TMPRSS15: variants seen among roughly 807,000 people sequenced by gnomAD.
TMPRSS15 encodes enteropeptidase.
TMPRSS15 carries 128 observed loss-of-function variants against 125.3 expected under a neutral mutation model. The ratio of observed to expected loss-of-function variants is 1.02; its 90% confidence interval spans 0.89 to 1.18. TMPRSS15 has a LOEUF of 1.18. Ranked by LOEUF, TMPRSS15 falls within the 50% of genes most tolerant of loss-of-function variation. The pLI, the probability that TMPRSS15 is intolerant of heterozygous loss-of-function variation, is 0.00. For synonymous variants in TMPRSS15, 446 were observed against 423.2 expected (o/e 1.05, Z -0.66); for missense variants, 1,283 against 1,212.7 (o/e 1.06, Z -0.86).
intron 21 of TMPRSS15, among the ~76,000 whole-genome samples, chr21:18,284,016 C>T (rs903744073): frequency 3.9e-5 from 6 of 152,184 alleles, no homozygotes; most frequent in Non-Finnish European, 7.3e-5. Context: ...ATACAATTTA[C>T]AACAATATTA....
chr21:18,452,687 T>C (rs1008044236), intron 1 of TMPRSS15, among the ~76,000 whole-genome samples: 1 of 152,162 alleles, frequency 6.6e-6, no homozygotes, highest in African/African-American at 2.4e-5. Flanking sequence ...TATTTTGAAC[T>C]GGAATGTTAC....
At position 18,457,733 on chromosome 21, in the gene TMPRSS15, G is replaced by A. The variant is rs117570512; in HGVS notation, c.10+28066C>T. On this transcript the variant is annotated intron_variant, in intron 1 of 7. Transcript: ENST00000422787. ...TTTCAGCAAGAAGGCAACAACCTAAGCCTTCTACTTCTAGGGGATATTTGT... is the reference window on the plus strand; with the variant it reads ...TTTCAGCAAGAAGGCAACAACCTAAACCTTCTACTTCTAGGGGATATTTGT... Among the ~76,000 whole-genome samples the A allele has an allele frequency of 4.7e-3, 717 of 152,246 alleles. 37 individuals are homozygous for A. In the East Asian group the frequency reaches 0.11, roughly 23 times the overall value.
chr21:18,278,018 T>C (rs754132560), intron 23 of TMPRSS15, among the ~76,000 whole-genome samples: 4 of 152,170 alleles, frequency 2.6e-5, no homozygotes, highest in Non-Finnish European at 4.4e-5. Context: ...ATGCAGTTGA[T>C]GCTGGGGGTG....
At chr21:18,273,355 T>C (rs1487220236) in intron 24 of TMPRSS15, among the ~76,000 whole-genome samples, 1 of 152,226 alleles carries the variant, frequency 6.6e-6, no homozygotes, top group Non-Finnish European at 1.5e-5. Context: ...GAATGCATTC[T>C]TATTTAATCA....
chr21:18,280,575 C>CAAAAAAAAAAAAAAAAAAAAAAA (rs1230513414), intron 22 of TMPRSS15, among the ~76,000 whole-genome samples: 11 of 48,340 alleles, frequency 2.3e-4, no homozygotes, highest in African/African-American at 8.5e-4. Context: ...GACTCCGTCT[C>CAAAAAAAAAAAAAAAAAAAAAAA]AAAAAAAAAA....
chr21:18,465,662 T>C (rs2122955692), intron 1 of TMPRSS15, among the ~76,000 whole-genome samples: 5 of 152,126 alleles, frequency 3.3e-5, no homozygotes, highest in African/African-American at 1.2e-4. Context: ...CCATTCACAA[T>C]TGTTACAAAG....
At chr21:18,337,830 A>C (rs983842218) in intron 13 of TMPRSS15, among the ~76,000 whole-genome samples, 4 of 152,212 alleles carry the variant, frequency 2.6e-5, no homozygotes, top group African/African-American at 9.6e-5. Context: ...GCTCTACTCA[A>C]ATAAGAATTT....
At chr21:18,394,450 AG>A (rs1222009015) in intron 3 of TMPRSS15, among the ~76,000 whole-genome samples, 1 of 152,166 alleles carries the variant, frequency 6.6e-6, no homozygotes, top group Non-Finnish European at 1.5e-5. Flanking sequence ...GAGGAGGTAA[AG>A]AAAAAGTAAA....
chr21:18,369,819 CATA>C (rs1438463688), intron 6 of TMPRSS15, among the ~76,000 whole-genome samples: 2 of 151,928 alleles, frequency 1.3e-5, no homozygotes, highest in African/African-American at 2.4e-5. Flanking sequence ...GTGGGCTCAC[CATA>C]ATCAATGAAT....
At chr21:18,482,131 T>G (rs890547648) in intron 1 of TMPRSS15, among the ~76,000 whole-genome samples, 8 of 151,352 alleles carry the variant, frequency 5.3e-5, no homozygotes, top group African/African-American at 1.9e-4. Context: ...ATTGTATTGC[T>G]TCATTTTTTT....
intron 4 of TMPRSS15, among the ~76,000 whole-genome samples, chr21:18,381,662 T>C (rs2075893933): frequency 6.6e-6 from 1 of 152,164 alleles, no homozygotes. Context: ...TGAATAAACA[T>C]TTAATTTTAA....
At chr21:18,373,019 G>A (rs1488532285) in intron 5 of TMPRSS15, among the ~76,000 whole-genome samples, 1 of 152,138 alleles carries the variant, frequency 6.6e-6, no homozygotes, top group African/African-American at 2.4e-5. Context: ...AGGCCAGTGT[G>A]GAAATTTGAA....
intron 13 of TMPRSS15, among the ~76,000 whole-genome samples, chr21:18,333,669 C>G (rs17002565): frequency 0.011 from 1,733 of 152,090 alleles, 29 homozygotes; most frequent in African/African-American, 0.038. Context: ...ATCAATGCCC[C>G]GATCTGGTAG....
In TMPRSS15 at chr21:18,364,395, G is replaced by A. The variant is rs542372550; in HGVS notation, c.773+745C>T. 1.7e-4 allele frequency among the ~76,000 whole-genome samples: 26 copies of A among 152,158 alleles called. 1 individual carries two copies. In the South Asian group the frequency reaches 3.5e-3, roughly 21 times the overall value. Reference sequence around the variant, plus strand: ...AAAGTTTTCATTGGAGACTTACATCGCATGTTAACATATTTAAGGCTATAA... The same window carrying A: ...AAAGTTTTCATTGGAGACTTACATCACATGTTAACATATTTAAGGCTATAA... On this transcript the variant is annotated intron_variant, in intron 7 of 24. Coordinates refer to ENST00000284885, the MANE Select transcript of TMPRSS15 (RefSeq NM_002772.3).
At chr21:18,432,627 C>A (rs73198325) in intron 1 of TMPRSS15, among the ~76,000 whole-genome samples, 1 of 152,032 alleles carries the variant, frequency 6.6e-6, no homozygotes. Flanking sequence ...TGCTTCCATA[C>A]GCTAAAGAAA....
intron 3 of TMPRSS15, among the ~76,000 whole-genome samples, chr21:18,389,940 C>G (rs2075977095): frequency 6.6e-6 from 1 of 152,192 alleles, no homozygotes; most frequent in South Asian, 2.1e-4. Flanking sequence ...AATGTCCTAC[C>G]AGTCCCCTAT....
intron 18 of TMPRSS15, 66 bp downstream of exon 18, chr21:18,312,879 A>G (rs1310242794): frequency 9.4e-6 from 15 of 1,591,552 alleles, no homozygotes; most frequent in Admixed American, 3.4e-5. Flanking sequence ...CTCTTATTAA[A>G]CCTAATTTGA....
chr21:18,391,720 G>A (rs2075992303), intron 3 of TMPRSS15, among the ~76,000 whole-genome samples: 1 of 152,174 alleles, frequency 6.6e-6, no homozygotes, highest in Non-Finnish European at 1.5e-5. Context: ...AGCCCAGGGG[G>A]GACTCTGTGT....
intron 18 of TMPRSS15, among the ~76,000 whole-genome samples, chr21:18,310,375 T>TAAACAAAAC (rs914674730): frequency 1.4e-4 from 21 of 151,592 alleles, no homozygotes; most frequent in African/African-American, 4.8e-4. Context: ...GGATACAAAA[T>TAAACAAAAC]AAACAAAACA....
Sources: gnomAD v4.1 joint callset for allele counts (sites outside exome capture counted in the v4.1 genomes callset) on GRCh38, gnomAD v4.1.1 for gene constraint, MANE v1.5 for transcripts, NCBI Gene and HGNC (gene_info 2026-07-23, HGNC 2026-07-21) for gene names.